Variants in DNAJC13 observed in about 807,000 individuals in gnomAD.
DNAJC13 encodes dnaJ homolog subfamily C member 13.
DNAJC13 carries 75 observed loss-of-function variants against 290.5 expected under a neutral mutation model. The observed-to-expected ratio is 0.26, with a 90% confidence interval of 0.21 to 0.31. The LOEUF (loss-of-function observed/expected upper bound fraction) is 0.31. Among genes scored for constraint, DNAJC13 ranks in the 10% least tolerant of loss-of-function variants. The pLI is 1.00. For missense variants in DNAJC13, 2,260 were observed against 2,674.5 expected (o/e 0.85, Z 3.42); for synonymous variants, 862 against 892.0 (o/e 0.97, Z 0.60).
intron 20 of DNAJC13, among the ~76,000 whole-genome samples, chr3:132,469,377 T>TG (rs1383098845): frequency 5.3e-5 from 8 of 152,374 alleles, no homozygotes; most frequent in African/African-American, 1.9e-4. Context: ...TTGCAGCTGA[T>TG]GCTCTGTGCT....
At chr3:132,503,585 C>T (rs1044226616) in intron 41 of DNAJC13, among the ~76,000 whole-genome samples, 20 of 152,310 alleles carry the variant, frequency 1.3e-4, no homozygotes, top group African/African-American at 3.8e-4. Flanking sequence ...GGCAAATTAA[C>T]TTTGTTTCTC....
At chr3:132,467,505 G>C (rs1934037417) in intron 20 of DNAJC13, among the ~76,000 whole-genome samples, 192 bp downstream of exon 20, 1 of 151,970 alleles carries the variant, frequency 6.6e-6, no homozygotes, top group African/African-American at 2.4e-5. Context: ...TTGCTCTGTT[G>C]CACAGGCTGG....
rs1933289750 is a variant in DNAJC13 at position 132,447,535 on chromosome 3, T to C, written c.294+65T>C. On this transcript the variant is annotated intron_variant, in intron 4 of 55. Coordinates refer to ENST00000260818, the MANE Select transcript of DNAJC13 (RefSeq NM_015268.4). ...CTCTTTTTAAAATGAAGTAGTTACA[T>C]AGAAGTAGAGAAATTAATGTTCTCT... is the stretch of plus-strand genomic sequence containing the variant. 5.0e-6 allele frequency: 7 copies of C among 1,404,806 alleles called. No individual in the cohort carries two copies. In the South Asian group the frequency reaches 6.5e-5, roughly 13 times the overall value. The allele number at this position is 1,404,806 out of a possible 1,614,324, so 87.0% of individuals were successfully genotyped here.
At chr3:132,483,319 T>C (rs1934744289) in intron 27 of DNAJC13, 56 bp from the exon 28 acceptor site, 2 of 1,413,044 alleles carry the variant, frequency 1.4e-6, no homozygotes, top group East Asian at 4.7e-5. Flanking sequence ...TAGAAAACAC[T>C]AGTGAGGTTT....
intron 20 of DNAJC13, chr3:132,472,683 G>T: frequency 1.3e-6 from 1 of 767,608 alleles, no homozygotes; most frequent in African/African-American, 1.9e-5. Context: ...ACATGTGTTT[G>T]AATGTAGACA....
intron 1 of DNAJC13, among the ~76,000 whole-genome samples, chr3:132,428,970 T>A (rs1939174826): frequency 6.6e-6 from 1 of 152,116 alleles, no homozygotes; most frequent in Non-Finnish European, 1.5e-5. Flanking sequence ...CCTGACTTTG[T>A]AATTTGTCCA....
rs571582860 is a variant in DNAJC13 at position 132,517,807 on chromosome 3, AAAC to A, written c.5673+994_5673+996del. Reference sequence around the variant, plus strand: ...TAATTAAACACTTTTTACATTAATAAAACAAATTGGATTCAGTTGTTTTCTTGC... The same window carrying A: ...TAATTAAACACTTTTTACATTAATAAAAATTGGATTCAGTTGTTTTCTTGC... On this transcript the variant is annotated intron_variant, in intron 48 of 55. Coordinates refer to ENST00000260818, the MANE Select transcript of DNAJC13 (RefSeq NM_015268.4). Among the ~76,000 whole-genome samples, 48 of 152,332 alleles carry A rather than the reference AAAC, an allele frequency of 3.2e-4. No individual in the cohort carries two copies. In the East Asian group the frequency reaches 9.3e-3, roughly 29 times the overall value.
intron 55 of DNAJC13, chr3:132,537,401 AG>A (rs1936629030): frequency 2.8e-6 from 1 of 355,152 alleles, no homozygotes; most frequent in Non-Finnish European, 5.6e-6. Context: ...ATTATGCTAC[AG>A]TGTCCCTTGC....
chr3:132,526,783 A>G (rs572483968), intron 53 of DNAJC13, among the ~76,000 whole-genome samples: 1 of 152,342 alleles, frequency 6.6e-6, no homozygotes, highest in South Asian at 2.1e-4. Flanking sequence ...ATATCCATGT[A>G]GACAGATGTT....
chr3:132,448,350 C>T (rs1416658415), intron 5 of DNAJC13, among the ~76,000 whole-genome samples: 1 of 152,136 alleles, frequency 6.6e-6, no homozygotes, highest in Non-Finnish European at 1.5e-5. Context: ...CATACTGAAA[C>T]TGTCTTCTTA....
intron 45 of DNAJC13, 90 bp from the exon 46 acceptor site, chr3:132,514,481 T>C: frequency 1.3e-6 from 1 of 767,806 alleles, no homozygotes. Flanking sequence ...CCCCAAACAT[T>C]TGTCTCACTT....
At chr3:132,467,674 C>G (rs1934046699) in intron 20 of DNAJC13, among the ~76,000 whole-genome samples, 1 of 151,986 alleles carries the variant, frequency 6.6e-6, no homozygotes, top group South Asian at 2.1e-4. Context: ...ACCGTGTTAG[C>G]CAGGATGGTC....
chr3:132,515,610 G>A (rs1476604210), intron 46 of DNAJC13, among the ~76,000 whole-genome samples: 1 of 152,028 alleles, frequency 6.6e-6, no homozygotes, highest in Admixed American at 6.6e-5. Context: ...TAAACTGGTT[G>A]GTGAAGTAAA....
intron 33 of DNAJC13, among the ~76,000 whole-genome samples, chr3:132,493,090 G>A (rs1284336653): frequency 6.6e-6 from 1 of 152,002 alleles, no homozygotes. Context: ...AATAATAGCA[G>A]CTATCTGGTG....
intron 29 of DNAJC13, among the ~76,000 whole-genome samples, chr3:132,487,648 A>G (rs539366674): frequency 6.0e-5 from 9 of 148,804 alleles, no homozygotes; most frequent in South Asian, 4.2e-4. Flanking sequence ...TTGGAACGAC[A>G]CCTTTATTAA....
intron 1 of DNAJC13, among the ~76,000 whole-genome samples, chr3:132,422,139 T>G (rs887730392): frequency 6.6e-6 from 1 of 151,944 alleles, no homozygotes; most frequent in South Asian, 2.1e-4. Context: ...CAAGCGATCC[T>G]CCCACCTTAG....
chr3:132,424,315 C>T (rs1228087560), intron 1 of DNAJC13, among the ~76,000 whole-genome samples: 1 of 151,910 alleles, frequency 6.6e-6, no homozygotes, highest in Non-Finnish European at 1.5e-5. Flanking sequence ...AAATTATTCC[C>T]CTCAGATGAA....
rs146297575 is a variant in DNAJC13, at chr3:132,483,397, G to C, written c.3002G>C (p.Gly1001Ala). Residue 1001 changes from glycine (G) to alanine (A), a missense_variant, in exon 28 of 56, where the codon GGA (glycine) becomes GCA (alanine). Around this residue, in one of 3 missense-constraint regions of DNAJC13, gnomAD observed 1,494 missense variants for 1,693.7 expected, o/e 0.88. Coordinates refer to ENST00000260818, the MANE Select transcript of DNAJC13 (RefSeq NM_015268.4). ...TAGATGCAAGAATTGTGGACCAAAG[G>C]AATGTTAAATGCAAAAACCAGATGC... Reference protein sequence around the residue: ...FHEMQELWTKGMLNAKTRCWA... With the variant: ...FHEMQELWTKAMLNAKTRCWA... 40 of 1,614,014 alleles carry C rather than the reference G, an allele frequency of 2.5e-5. No homozygotes were observed. The African/African-American group carries it at 4.4e-4, about 18-fold the overall frequency.
intron 55 of DNAJC13, among the ~76,000 whole-genome samples, chr3:132,537,841 T>C (rs888975776): frequency 6.6e-6 from 1 of 152,244 alleles, no homozygotes; most frequent in South Asian, 2.1e-4. Flanking sequence ...GTCTGTCTGT[T>C]TCCATTTTTT....
Sources: gnomAD v4.1 joint callset for allele counts (sites outside exome capture counted in the v4.1 genomes callset) on GRCh38, gnomAD v4.1.1 for gene constraint, gnomAD v4.1.1 regional missense constraint, MANE v1.5 for transcripts, NCBI Gene and HGNC (gene_info 2026-07-23, HGNC 2026-07-21) for gene names.